Variants in EPC1 observed in about 807,000 individuals in gnomAD.
The protein encoded by EPC1 is enhancer of polycomb homolog 1.
A neutral mutation model predicts 98.4 loss-of-function variants in EPC1; 12 were observed. The observed-to-expected ratio is 0.12, with a 90% CI of 0.08 to 0.20. The LOEUF is 0.20. Ranked by LOEUF, EPC1 falls within the 10% of genes least tolerant of loss-of-function variation. EPC1 has a pLI of 1.00. For synonymous variants in EPC1, 357 were observed against 363.9 expected (o/e 0.98, Z 0.21); for missense variants, 729 against 990.5 (o/e 0.74, Z 3.54).
chr10:32,337,926 T>C (rs1239819408), intron 1 of EPC1, among the ~76,000 whole-genome samples: 1 of 152,236 alleles, frequency 6.6e-6, no homozygotes, highest in African/African-American at 2.4e-5. Context: ...ATGTCCTTCC[T>C]TCTTGAGATG....
chr10:32,304,626 A>T (rs1835764897), intron 2 of EPC1, among the ~76,000 whole-genome samples: 1 of 151,874 alleles, frequency 6.6e-6, no homozygotes, highest in Admixed American at 6.6e-5. Context: ...CCCTAGAAAA[A>T]CCTCTTGATC....
At chr10:32,326,081 CA>C (rs944509881) in intron 1 of EPC1, among the ~76,000 whole-genome samples, 1 of 151,998 alleles carries the variant, frequency 6.6e-6, no homozygotes. Context: ...CAAAGATCTC[CA>C]AAAAACAAAA....
At chr10:32,278,371 G>GTTTTTTT (rs58729377) in intron 10 of EPC1, among the ~76,000 whole-genome samples, 6 of 102,598 alleles carry the variant, frequency 5.8e-5, no homozygotes, top group East Asian at 2.9e-4. Flanking sequence ...GTTTTTTTTT[G>GTTTTTTT]TTTTTTTTTT....
At chr10:32,305,054 G>T (rs1322806892) in intron 2 of EPC1, among the ~76,000 whole-genome samples, 1 of 152,138 alleles carries the variant, frequency 6.6e-6, no homozygotes, top group African/African-American at 2.4e-5. Context: ...ATTAATTGGA[G>T]ATTGAGTAAA....
chr10:32,378,384 A>G (rs1203988580), intron 1 of EPC1: 3 of 912,020 alleles, frequency 3.3e-6, no homozygotes, highest in African/African-American at 3.4e-5. Flanking sequence ...GATCAAAGCT[A>G]AAGAAAAATA....
upstream of EPC1, among the ~76,000 whole-genome samples, chr10:32,348,154 C>T (rs1022430216): frequency 2.0e-5 from 3 of 152,120 alleles, no homozygotes; most frequent in African/African-American, 7.2e-5. Flanking sequence ...ATATAAAGAC[C>T]TGTCGTACTC....
chr10:32,302,126 A>T (rs1835586318), intron 2 of EPC1, among the ~76,000 whole-genome samples: 1 of 151,882 alleles, frequency 6.6e-6, no homozygotes, highest in African/African-American at 2.4e-5. Flanking sequence ...ACAAAAAATT[A>T]GCCAGGCCTG....
chr10:32,275,614 AC>A (rs778058069), intron 10 of EPC1, among the ~76,000 whole-genome samples: 1 of 141,754 alleles, frequency 7.1e-6, no homozygotes, highest in Non-Finnish European at 1.6e-5. Flanking sequence ...AAAAAAAAAA[AC>A]AAAAAAAAAA....
Position 32,354,523 on chromosome 10 carries a change from G to C in EPC1, c.3+23968C>G, listed in dbSNP as rs552878908. Reference sequence around the variant, plus strand: ...TGAGAATTGTAGTTGCAGCAGTATTGGGATTTAAAAAAGATGTCACACAAT... The same window carrying C: ...TGAGAATTGTAGTTGCAGCAGTATTCGGATTTAAAAAAGATGTCACACAAT... On this transcript the variant is annotated intron_variant, in intron 1 of 13. Coordinates refer to the EPC1 transcript ENST00000375110. Among the ~76,000 whole-genome samples the C allele has an allele frequency of 2.0e-5, 3 of 151,984 alleles. No individual in the cohort carries two copies. The South Asian group carries it at 6.2e-4, about 32-fold the overall frequency.
intron 1 of EPC1, among the ~76,000 whole-genome samples, chr10:32,344,722 G>A (rs1014359898): frequency 1.3e-5 from 2 of 152,208 alleles, no homozygotes; most frequent in East Asian, 1.9e-4. Flanking sequence ...GGAGGCGGAG[G>A]GTTGTAGTGA....
At chr10:32,291,040 G>A in intron 6 of EPC1, 123 bp downstream of exon 6, 1 of 844,630 alleles carries the variant, frequency 1.2e-6, no homozygotes, top group Admixed American at 2.4e-5. Flanking sequence ...GTGTCCCGAA[G>A]TGCTGGGATT....
intron 10 of EPC1, among the ~76,000 whole-genome samples, chr10:32,277,975 T>C (rs1052122778): frequency 2.6e-5 from 4 of 152,130 alleles, no homozygotes; most frequent in Admixed American, 6.5e-5. Flanking sequence ...TGCACTCTTA[T>C]AGCTAAAGGT....
At position 32,284,837 on chromosome 10, in the gene EPC1, G is replaced by A. The variant is rs2132693754; in HGVS notation, c.1605C>T (p.Ser535=). ...RWRHFRPRTP[S]LHDSDNDELS... ...GTTCATCATTGTCACTGTCATGTAG[G>A]GATGGTGTCCGAGGCCTAAAATGCC... The change falls in exon 10 of 14, where the codon TCC becomes TCT. Residue 535 remains serine, a synonymous_variant. Coordinates refer to ENST00000319778, the MANE Select transcript of EPC1 (RefSeq NM_001272004.3). 1 of 1,614,108 alleles carries A rather than the reference G, an allele frequency of 6.2e-7. No homozygotes were observed. The highest frequency in any genetic ancestry group is 8.5e-7 in the Non-Finnish European group (1 of 1,180,006).
intron 1 of EPC1, among the ~76,000 whole-genome samples, chr10:32,370,117 A>G (rs1008814249): frequency 6.6e-6 from 1 of 152,214 alleles, no homozygotes; most frequent in Non-Finnish European, 1.5e-5. Flanking sequence ...GCCTTTCAAT[A>G]TATAAGACCC....
chr10:32,309,737 T>C (rs1048718038), intron 1 of EPC1, among the ~76,000 whole-genome samples: 6 of 148,686 alleles, frequency 4.0e-5, no homozygotes, highest in Non-Finnish European at 7.4e-5. Flanking sequence ...AGCCTCATAC[T>C]GCATTTTATT....
chr10:32,319,276 A>G (rs987281242), intron 1 of EPC1, among the ~76,000 whole-genome samples: 1 of 152,248 alleles, frequency 6.6e-6, no homozygotes, highest in Non-Finnish European at 1.5e-5. Flanking sequence ...GAATCTGGAA[A>G]AAAATTCTTG....
chr10:32,290,369 C>T (rs947540637), intron 6 of EPC1, among the ~76,000 whole-genome samples: 2 of 150,686 alleles, frequency 1.3e-5, no homozygotes, highest in Non-Finnish European at 2.9e-5. Context: ...ACCTGTAGTC[C>T]CAGCTACTCG....
At chr10:32,307,645 A>T (rs139527354) in intron 1 of EPC1, among the ~76,000 whole-genome samples, 7 of 152,196 alleles carry the variant, frequency 4.6e-5, no homozygotes, top group Non-Finnish European at 1.0e-4. Context: ...TGGGGAAAAC[A>T]GTGTCACTAA....
At chr10:32,282,032 T>G (rs1836437138) in intron 10 of EPC1, 1 of 152,072 alleles carries the variant, frequency 6.6e-6, no homozygotes, top group Non-Finnish European at 1.5e-5. Flanking sequence ...GCACTTATGA[T>G]ATGGCTGCAT....
Sources: allele counts gnomAD v4.1 joint callset (sites outside exome capture counted in the v4.1 genomes callset), GRCh38; gene constraint gnomAD v4.1.1; transcripts MANE v1.5; gene names NCBI Gene and HGNC (gene_info 2026-07-23, HGNC 2026-07-21).